The following SEPTIN8 variants were observed in gnomAD, a reference collection of about 807,000 sequenced individuals.
SEPTIN8 encodes the protein septin-8.
A neutral mutation model predicts 53.1 loss-of-function variants in SEPTIN8; 22 were observed. The ratio of observed to expected loss-of-function variants is 0.41; its 90% CI spans 0.30 to 0.59. The LOEUF (loss-of-function observed/expected upper bound fraction) is 0.59, where lower values mean the gene tolerates loss of function less well. Among genes scored for constraint, SEPTIN8 ranks in the 20% least tolerant of loss-of-function variants. The pLI is 0.24. For synonymous variants in SEPTIN8, 228 were observed against 248.4 expected (o/e 0.92, Z 0.77); for missense variants, 536 against 638.7 (o/e 0.84, Z 1.73).
rs1754854556 is a variant in SEPTIN8 at position 132,751,697 on chromosome 5, G to A, written c.*319C>T. The A allele has an allele frequency of 1.8e-6, 1 of 540,800 alleles. No homozygotes were observed. The highest frequency in any genetic ancestry group is 3.6e-5 in the Admixed American group (1 of 27,906). The allele number at this position is 540,800 out of a possible 1,614,324, so 33.5% of individuals were successfully genotyped here. A position where few individuals can be genotyped will look rare whatever the true frequency, so the allele number is the denominator to read the frequency against. ...ATAGTATGTTTCTATTTTTCAGAAT[G>A]GAAACATTGTCATCTAGGTACTTTC... is the stretch of plus-strand genomic sequence containing the variant. On this transcript the variant is annotated 3_prime_UTR_variant, in exon 10 of 10. Transcript: ENST00000378719.
Position 132,773,183 on chromosome 5 carries a change from G to A in SEPTIN8, c.30+3925C>T, listed in dbSNP as rs1241888374. On this transcript the variant is annotated intron_variant, in intron 1 of 9. Coordinates refer to ENST00000378719, the MANE Select transcript of SEPTIN8 (RefSeq NM_001098811.2). The surrounding 1 kb of genome is among the most constrained non-coding windows in gnomAD (Gnocchi z 4.2). ...CTACCACAAGGGCATGGAGACCTTG[G>A]GAGGGCGTCTCCTCCCCAGGCAGAT... 6.6e-6 allele frequency among the ~76,000 whole-genome samples: 1 copy of A among 152,198 alleles called. No homozygotes were observed. Among genetic ancestry groups the A allele is most frequent in the African/African-American group, 2.4e-5 (1 of 41,442 alleles).
chr5:132,758,800 A>T, intron 9 of SEPTIN8: 1 of 1,614,194 alleles, frequency 6.2e-7, no homozygotes, highest in South Asian at 1.1e-5. Context: ...TCCACTCTTG[A>T]CATGTAAGTC....
upstream of SEPTIN8, among the ~76,000 whole-genome samples, chr5:132,779,236 T>A (rs1299548567): frequency 6.6e-6 from 1 of 152,206 alleles, no homozygotes; most frequent in Non-Finnish European, 1.5e-5. Flanking sequence ...AAAAGGTGAA[T>A]ATAACGATCA....
At chr5:132,764,929 C>G (rs1388927879) in intron 2 of SEPTIN8, among the ~76,000 whole-genome samples, 1 of 151,956 alleles carries the variant, frequency 6.6e-6, no homozygotes, top group African/African-American at 2.4e-5. Flanking sequence ...GCAGAGGGAC[C>G]AGAAGAGCAC....
chr5:132,775,865 C>T (rs928385710), intron 1 of SEPTIN8: 3 of 152,176 alleles, frequency 2.0e-5, no homozygotes, highest in African/African-American at 7.2e-5. Flanking sequence ...GAATCTGTTC[C>T]TCATGTATTT....
In SEPTIN8 at chr5:132,758,633, C is replaced by T. The variant is rs542261704; in HGVS notation, c.1286+2169G>A. 7.4e-5 allele frequency: 118 copies of T among 1,593,480 alleles called. 1 individual carries two copies. Among genetic ancestry groups the T allele is most frequent in the Middle Eastern group, 5.3e-4 (3 of 5,652 alleles). ...CGTGTTTGCATAGAGAGGGGTGGCC[C>T]GCCAGGCCCGGGGCAGCCTGGGGCC... On this transcript the variant is annotated intron_variant, in intron 9 of 9. Coordinates refer to ENST00000378719, the MANE Select transcript of SEPTIN8 (RefSeq NM_001098811.2).
chr5:132,759,274 G>A (rs1282309984), intron 9 of SEPTIN8, among the ~76,000 whole-genome samples: 2 of 152,134 alleles, frequency 1.3e-5, no homozygotes, highest in African/African-American at 4.8e-5. Context: ...CTTTCTAGCA[G>A]GTCCAGAGAA....
rs1757510312 is a variant in SEPTIN8, at chr5:132,773,477, A to G, written c.30+3631T>C. 6.6e-6 allele frequency among the ~76,000 whole-genome samples: 1 copy of G among 152,160 alleles called. No homozygotes were observed. Among genetic ancestry groups the G allele is most frequent in the Non-Finnish European group, 1.5e-5 (1 of 68,040 alleles). ...TATAATATATGCTTCCACCTAGCCCATCCGAGGGCTCAAAACGCCAAGGTA... is the reference window on the plus strand; with the variant it reads ...TATAATATATGCTTCCACCTAGCCCGTCCGAGGGCTCAAAACGCCAAGGTA... On this transcript the variant is annotated intron_variant, in intron 1 of 9. Transcript: ENST00000378719. The surrounding 1 kb of genome is among the most constrained non-coding windows in gnomAD (Gnocchi z 4.2).
rs1197015859 is a variant in SEPTIN8, at chr5:132,760,959, G to C, written c.1129C>G (p.His377Asp). 1 of 1,591,546 alleles carries C rather than the reference G, an allele frequency of 6.3e-7. No individual in the cohort carries two copies. Among genetic ancestry groups the C allele is most frequent in the Non-Finnish European group, 8.5e-7 (1 of 1,170,086 alleles). ...TCCACCTTGCGCTTCTCCTCCTGGT[G>C]GACCCGCTTCAGGTGCTCAAACTTC... ...HEKFEHLKRVHQEEKRKVEEK... is the reference protein window; with the variant it reads ...HEKFEHLKRVDQEEKRKVEEK... The change falls in exon 9 of 10, where the codon CAC (histidine) becomes GAC (aspartate). Residue 377 changes from histidine to aspartate, a missense_variant. His to Asp is a moderately conservative substitution (Grantham distance 81). Transcript: ENST00000378719. The surrounding 1 kb of genome is among the most constrained non-coding windows in gnomAD (Gnocchi z 5.2).
intron 3 of SEPTIN8, 82 bp downstream of exon 3, chr5:132,764,142 G>A: frequency 2.1e-6 from 3 of 1,424,404 alleles, no homozygotes; most frequent in South Asian, 2.7e-5. Flanking sequence ...CCCCTGCAGT[G>A]TGAGGGCTGG....
At position 132,756,485 on chromosome 5, in the gene SEPTIN8, T is replaced by C. The variant is rs542010847; in HGVS notation, c.1287-4304A>G. 5.7e-5 allele frequency: 56 copies of C among 985,202 alleles called. No homozygotes were observed. In the African/African-American group the frequency reaches 8.9e-4, roughly 16 times the overall value. 61.0% of individuals were successfully genotyped at this position (985,202 alleles called of 1,614,324 possible). On this transcript the variant is annotated intron_variant, in intron 9 of 9. Coordinates refer to ENST00000378719, the MANE Select transcript of SEPTIN8 (RefSeq NM_001098811.2). The stretch of plus-strand genomic sequence containing the variant: ...AGACAGCCCTAATAAAGCCAACAAA[T>C]GACAATGAGAAAAAGAGGGGTAAAT...
intron 9 of SEPTIN8, chr5:132,758,984 G>C (rs1220088077): frequency 2.6e-6 from 2 of 777,700 alleles, no homozygotes; most frequent in Non-Finnish European, 4.6e-6. Flanking sequence ...TCAGTTTGTG[G>C]TGTCCCAGGC....
intron 9 of SEPTIN8, chr5:132,758,649 GC>G (rs1367684677): frequency 1.3e-6 from 2 of 1,593,226 alleles, no homozygotes. Flanking sequence ...GCCCGGGGCA[GC>G]CTGGGGCCAG....
chr5:132,777,229 T>A lies in SEPTIN8; in HGVS notation c.-92A>T. 1 of 1,148,396 alleles carries A rather than the reference T, an allele frequency of 8.7e-7. No individual in the cohort carries two copies. Among genetic ancestry groups the A allele is most frequent in the Middle Eastern group, 2.8e-4 (1 of 3,636 alleles). The allele number at this position is 1,148,396 out of a possible 1,614,324, so 71.1% of individuals were successfully genotyped here. A position where few individuals can be genotyped will look rare whatever the true frequency, so the allele number is the denominator to read the frequency against. On this transcript the variant is annotated 5_prime_UTR_variant, in exon 1 of 10. Transcript: ENST00000378719. This position sits in a 1 kb window ranked among gnomAD's most constrained non-coding sequence, Gnocchi z 4.1. ...GCGGGACGCGCTCCGCCCGGGCGGC[T>A]GCGGCTGAATGGATCCAATATGGCC...
At chr5:132,755,884 T>A (rs1480507176) in intron 9 of SEPTIN8, 2 of 815,988 alleles carry the variant, frequency 2.5e-6, no homozygotes, top group Non-Finnish European at 2.9e-6. Context: ...CAGAAGTAGA[T>A]CAACCTCCAC....
In SEPTIN8 at chr5:132,761,968, C is replaced by T; in HGVS notation, c.697-72G>A. On this transcript the variant is annotated intron_variant, in intron 5 of 9. Transcript: ENST00000378719. This position sits in a 1 kb window ranked among gnomAD's most constrained non-coding sequence, Gnocchi z 5.8. ...AATGGCAGACTCTCCCTCCCTGCCC[C>T]TGGGTCCTAGGGAGGGGCAGCCAGA... 1 of 1,394,296 alleles carries T rather than the reference C, an allele frequency of 7.2e-7. No individual in the cohort carries two copies. The allele number at this position is 1,394,296 out of a possible 1,614,324, so 86.4% of individuals were successfully genotyped here.
At chr5:132,762,287 G>C (rs965163286) in intron 5 of SEPTIN8, among the ~76,000 whole-genome samples, 197 bp downstream of exon 5, 2 of 152,204 alleles carry the variant, frequency 1.3e-5, no homozygotes, top group Non-Finnish European at 1.5e-5. Context: ...GGGGTCCCCA[G>C]TGTAGGCCCA....
chr5:132,770,028 CACAT>C (rs756880753), intron 1 of SEPTIN8, among the ~76,000 whole-genome samples: 10,543 of 82,442 alleles, frequency 0.13, 1,023 homozygotes, highest in East Asian at 0.46. Context: ...TATATACACA[CACAT>C]ATATATATAT....
rs1189107319 is a variant in SEPTIN8 at position 132,773,193 on chromosome 5, T to C, written c.30+3915A>G. 6.6e-6 allele frequency among the ~76,000 whole-genome samples: 1 copy of C among 152,120 alleles called. No individual in the cohort carries two copies. On this transcript the variant is annotated intron_variant, in intron 1 of 9. Coordinates refer to ENST00000378719, the MANE Select transcript of SEPTIN8 (RefSeq NM_001098811.2). The surrounding 1 kb of genome is among the most constrained non-coding windows in gnomAD (Gnocchi z 4.2). The stretch of plus-strand genomic sequence containing the variant: ...GGCATGGAGACCTTGGGAGGGCGTC[T>C]CCTCCCCAGGCAGATGTGTCTCCCT...
Sources: allele counts gnomAD v4.1 joint callset (sites outside exome capture counted in the v4.1 genomes callset), GRCh38; gene constraint gnomAD v4.1.1; non-coding constraint Gnocchi (gnomAD v3.1); transcripts MANE v1.5; gene names NCBI Gene and HGNC (gene_info 2026-07-23, HGNC 2026-07-21).